The following GPC3 variants were observed in gnomAD, a reference collection of about 807,000 sequenced individuals.
GPC3 encodes the protein glypican 3.
In GPC3, 3 loss-of-function variants were observed where a neutral mutation model predicts 34.4. That is an observed-to-expected ratio of 0.09 (90% CI 0.04 to 0.23). The LOEUF is 0.23. Among genes scored for constraint, GPC3 ranks in the 10% least tolerant of loss-of-function variants. The probability of loss-of-function intolerance (pLI) is 1.00; values close to 1 mark genes in which losing one functional copy is unlikely to be tolerated. For synonymous variants in GPC3, 177 were observed against 174.0 expected (o/e 1.02, Z -0.13); for missense variants, 351 against 445.6 (o/e 0.79, Z 1.91).
At chrX:133,807,917 G>T (rs960389951) in intron 2 of GPC3, among the ~76,000 whole-genome samples, 1 of 112,156 alleles carries the variant, frequency 8.9e-6, no homozygotes, top group African/African-American at 3.2e-5. Flanking sequence ...ATGGGGTAAG[G>T]CCTAGAAATC....
chrX:133,576,459 C>T (rs918600156), intron 7 of GPC3, among the ~76,000 whole-genome samples: 5 of 110,559 alleles, frequency 4.5e-5, no homozygotes, highest in African/African-American at 1.3e-4. Flanking sequence ...AGGCTGGTCT[C>T]GAGCTCCTGA....
At chrX:133,742,323 T>C (rs1448988299) in intron 3 of GPC3, among the ~76,000 whole-genome samples, 1 of 111,610 alleles carries the variant, frequency 9.0e-6, no homozygotes. Context: ...ACAAACACCA[T>C]GCTCTTAGTG....
chrX:133,759,426 G>C (rs1010260812), intron 2 of GPC3, among the ~76,000 whole-genome samples: 2 of 111,624 alleles, frequency 1.8e-5, no homozygotes, highest in African/African-American at 3.2e-5. Flanking sequence ...CAGATCCATG[G>C]AACAAAATAC....
chrX:133,729,845 T>C (rs974089428), intron 3 of GPC3, among the ~76,000 whole-genome samples: 2 of 112,478 alleles, frequency 1.8e-5, no homozygotes, highest in African/African-American at 6.4e-5. Context: ...TTAACGCTGA[T>C]ACTTTGAAAG....
At chrX:133,761,682 G>A (rs2071792488) in intron 2 of GPC3, among the ~76,000 whole-genome samples, 2 of 111,964 alleles carry the variant, frequency 1.8e-5, no homozygotes, top group Non-Finnish European at 3.8e-5. Context: ...AGGGTCCTCA[G>A]AAATGAGAAG....
At position 133,928,260 on chromosome X, in the gene GPC3, G is replaced by T. The variant is rs753404635; in HGVS notation, c.337+24790C>A. 3.6e-5 allele frequency among the ~76,000 whole-genome samples: 4 copies of T among 111,359 alleles called. No homozygotes were observed. The South Asian group carries it at 1.5e-3, about 43-fold the overall frequency. ...CTTTTCTTAAAGGCTGAATAATGTT[G>T]CATGAAACATTTTCTATTCATGTTT... On this transcript the variant is annotated intron_variant, in intron 2 of 7. Transcript: ENST00000370818.
At chrX:133,542,703 C>G (rs1174727965) in intron 7 of GPC3, among the ~76,000 whole-genome samples, 2 of 112,087 alleles carry the variant, frequency 1.8e-5, no homozygotes, top group Non-Finnish European at 1.9e-5. Context: ...TACAGTTGGC[C>G]TCCAAGACAT....
chrX:133,661,369 G>A lies in GPC3; in HGVS notation c.1413+361C>T, dbSNP rs763916139. 1.1e-3 allele frequency among the ~76,000 whole-genome samples: 118 copies of A among 111,387 alleles called. 1 individual carries two copies. The highest frequency in any genetic ancestry group is 4.6e-3 in the Admixed American group (48 of 10,456). ...AAATGAAAACAGTTGGGATAAAATA[G>A]TGGGATTGTGAGAAATATTTTTCCC... On this transcript the variant is annotated intron_variant, in intron 6 of 7. Coordinates refer to ENST00000370818, the MANE Select transcript of GPC3 (RefSeq NM_004484.4).
At chrX:133,787,199 GAGA>G (rs1219485594) in intron 2 of GPC3, among the ~76,000 whole-genome samples, 4 of 112,253 alleles carry the variant, frequency 3.6e-5, no homozygotes, top group Non-Finnish European at 7.5e-5. Context: ...TATCCAGAAA[GAGA>G]AGATTAGAGC....
rs189830868 is a variant in GPC3 at position 133,748,201 on chromosome X, A to G, written c.1032+5281T>C. ...CTATGCATATAGTCCACACATAGGTATATGGTAACAGCAATCAAAATGGTT... is the reference window on the plus strand; with the variant it reads ...CTATGCATATAGTCCACACATAGGTGTATGGTAACAGCAATCAAAATGGTT... On this transcript the variant is annotated intron_variant, in intron 3 of 7. Transcript: ENST00000370818. Among the ~76,000 whole-genome samples, 3 of 112,383 alleles carry G rather than the reference A, an allele frequency of 2.7e-5. No homozygotes were observed. The East Asian group carries it at 8.4e-4, about 31-fold the overall frequency.
chrX:133,673,028 G>T (rs2070847585), intron 5 of GPC3, among the ~76,000 whole-genome samples: 1 of 107,385 alleles, frequency 9.3e-6, no homozygotes, highest in South Asian at 4.2e-4. Flanking sequence ...TGCAACCTCT[G>T]CCTCCTGGGT....
chrX:133,672,156 C>T (rs1385849326), intron 5 of GPC3, among the ~76,000 whole-genome samples: 3 of 111,467 alleles, frequency 2.7e-5, no homozygotes, highest in Non-Finnish European at 5.6e-5. Flanking sequence ...CTGTAGGGAA[C>T]AGTCCCCCAG....
intron 2 of GPC3, among the ~76,000 whole-genome samples, chrX:133,757,861 G>A (rs377701561): frequency 6.3e-5 from 7 of 111,769 alleles, no homozygotes; most frequent in African/African-American, 2.3e-4. Context: ...TACATGCCAG[G>A]ATCTGTGGTA....
chrX:133,873,972 G>A (rs1369556105), intron 2 of GPC3, among the ~76,000 whole-genome samples: 3 of 111,349 alleles, frequency 2.7e-5, no homozygotes, highest in African/African-American at 9.8e-5. Context: ...CTCTTCAGGA[G>A]TAGATTACTG....
At position 133,930,039 on chromosome X, in the gene GPC3, G is replaced by T; in HGVS notation, c.337+23011C>A. ...TACAAAGAGCATTCCATGAAAAAAAGGTTCATGTACAAACATGCCTCATGG... is the reference window on the plus strand; with the variant it reads ...TACAAAGAGCATTCCATGAAAAAAATGTTCATGTACAAACATGCCTCATGG... On this transcript the variant is annotated intron_variant, in intron 2 of 7. Transcript: ENST00000370818. Among the ~76,000 whole-genome samples, 2 of 112,079 alleles carry T rather than the reference G, an allele frequency of 1.8e-5. 1 individual carries two copies. The highest frequency in any genetic ancestry group is 9.2e-3 in the Middle Eastern group (2 of 218).
At chrX:133,802,073 C>T (rs2075612610) in intron 2 of GPC3, among the ~76,000 whole-genome samples, 1 of 112,095 alleles carries the variant, frequency 8.9e-6, no homozygotes, top group East Asian at 2.8e-4. Context: ...ATCATAAATT[C>T]CAAGCCTTAT....
intron 3 of GPC3, among the ~76,000 whole-genome samples, chrX:133,746,553 T>C (rs1232460609): frequency 8.9e-6 from 1 of 112,476 alleles, no homozygotes; most frequent in East Asian, 2.8e-4. Context: ...AATAAATAGG[T>C]AATGTGTGTT....
intron 2 of GPC3, among the ~76,000 whole-genome samples, chrX:133,808,824 T>C (rs750913305): frequency 1.4e-4 from 16 of 111,656 alleles, no homozygotes; most frequent in Non-Finnish European, 2.3e-4. Context: ...CAGTTTCTTG[T>C]ACATCTTCCC....
intron 3 of GPC3, among the ~76,000 whole-genome samples, chrX:133,739,167 C>A (rs1212870080): frequency 3.6e-5 from 4 of 111,249 alleles, no homozygotes; most frequent in Non-Finnish European, 5.7e-5. Flanking sequence ...AGTCAGGCAT[C>A]CACTGGGTGT....
Sources: allele counts gnomAD v4.1 joint callset (sites outside exome capture counted in the v4.1 genomes callset), GRCh38; gene constraint gnomAD v4.1.1; transcripts MANE v1.5; gene names NCBI Gene and HGNC (gene_info 2026-07-23, HGNC 2026-07-21).